Variants in LINGO2 observed in about 807,000 individuals in gnomAD.
LINGO2 encodes the protein leucine-rich repeat and immunoglobulin-like domain-containing nogo receptor-interacting protein 2.
In LINGO2, 14 loss-of-function variants were observed where a neutral mutation model predicts 30.6. That is an observed-to-expected ratio of 0.46 (90% CI 0.30 to 0.72). LINGO2 has a LOEUF of 0.72. Ranked by LOEUF, LINGO2 falls within the 30% of genes least tolerant of loss-of-function variation. The pLI is 0.07. For synonymous variants in LINGO2, 317 were observed against 288.5 expected (o/e 1.10, Z -1.00); for missense variants, 729 against 751.7 (o/e 0.97, Z 0.35).
chr9:28,994,507 G>T, the LINGO2 span, among the ~76,000 whole-genome samples: 1 of 150,976 alleles, frequency 6.6e-6, no homozygotes, highest in East Asian at 1.9e-4. Context: ...TCACAGAATT[G>T]GAAAAAACTA....
chr9:28,006,605 T>C (rs957222160), intron 5 of LINGO2, among the ~76,000 whole-genome samples: 5 of 152,144 alleles, frequency 3.3e-5, no homozygotes, highest in Non-Finnish European at 5.9e-5. Context: ...ATGAACTCAA[T>C]GATGATGCAT....
At chr9:28,792,153 G>C in the LINGO2 span, among the ~76,000 whole-genome samples, 2 of 151,848 alleles carry the variant, frequency 1.3e-5, no homozygotes, top group Admixed American at 1.3e-4. Flanking sequence ...ACATTTTCTT[G>C]CCTAAGCCTT....
chr9:28,105,026 G>A (rs1474525747), intron 4 of LINGO2, among the ~76,000 whole-genome samples: 2 of 152,002 alleles, frequency 1.3e-5, no homozygotes, highest in Non-Finnish European at 2.9e-5. Context: ...GAAGAACGGG[G>A]ACCAAGAATC....
chr9:28,714,188 T>TATATATATATATAC, the LINGO2 span, among the ~76,000 whole-genome samples: 11 of 73,382 alleles, frequency 1.5e-4, no homozygotes, highest in African/African-American at 6.7e-4. Flanking sequence ...TATATATATA[T>TATATATATATATAC]ACACACATAC....
chr9:28,221,114 A>G (rs1401783303), intron 4 of LINGO2, among the ~76,000 whole-genome samples: 5 of 152,024 alleles, frequency 3.3e-5, no homozygotes, highest in Admixed American at 3.3e-4. Context: ...CCTCGCTAAC[A>G]CGGTGAAACC....
At chr9:28,500,110 A>G (rs879440660) in intron 1 of LINGO2, among the ~76,000 whole-genome samples, 1 of 152,086 alleles carries the variant, frequency 6.6e-6, no homozygotes, top group Non-Finnish European at 1.5e-5. Flanking sequence ...CTGATGCTGA[A>G]TCTTTTGGTA....
the LINGO2 span, among the ~76,000 whole-genome samples, chr9:29,072,588 A>T: frequency 1.4e-5 from 2 of 138,406 alleles, no homozygotes; most frequent in African/African-American, 5.2e-5. Flanking sequence ...TAATTAGGGG[A>T]GAGATATATA....
intron 1 of LINGO2, among the ~76,000 whole-genome samples, chr9:28,625,635 C>T (rs914082506): frequency 2.0e-5 from 3 of 152,026 alleles, no homozygotes; most frequent in African/African-American, 7.2e-5. Flanking sequence ...TTGTAAAGCA[C>T]AGTAAAATGA....
chr9:29,139,335 A>G, the LINGO2 span, among the ~76,000 whole-genome samples: 1 of 152,316 alleles, frequency 6.6e-6, no homozygotes, highest in East Asian at 1.9e-4. Context: ...TGGCCTATGG[A>G]AACTCTGGGA....
chr9:28,285,542 A>T (rs1176542055), intron 4 of LINGO2, among the ~76,000 whole-genome samples: 3 of 150,852 alleles, frequency 2.0e-5, no homozygotes, highest in Admixed American at 1.3e-4. Context: ...AGCAGCTGGG[A>T]CTACAGGCAC....
the LINGO2 span, among the ~76,000 whole-genome samples, chr9:29,205,556 T>C: frequency 6.6e-6 from 1 of 152,188 alleles, no homozygotes; most frequent in Admixed American, 6.5e-5. Flanking sequence ...AACTTTTATG[T>C]TGGTCTCATA....
At chr9:28,599,534 G>C (rs2135740180) in intron 1 of LINGO2, among the ~76,000 whole-genome samples, 1 of 152,174 alleles carries the variant, frequency 6.6e-6, no homozygotes, top group South Asian at 2.1e-4. Flanking sequence ...ATGAGGAACA[G>C]CTTTTTTTTA....
At chr9:28,969,028 T>C in the LINGO2 span, among the ~76,000 whole-genome samples, 1 of 152,146 alleles carries the variant, frequency 6.6e-6, no homozygotes, top group Non-Finnish European at 1.5e-5. Flanking sequence ...AATCAATAGT[T>C]ATATGTAAAT....
chr9:28,041,435 T>G (rs1331122457), intron 4 of LINGO2, among the ~76,000 whole-genome samples: 5 of 152,118 alleles, frequency 3.3e-5, no homozygotes, highest in Non-Finnish European at 5.9e-5. Context: ...GAATTGTCCT[T>G]CCTTGAATAA....
At chr9:28,220,483 T>C (rs540083245) in intron 4 of LINGO2, among the ~76,000 whole-genome samples, 1 of 152,296 alleles carries the variant, frequency 6.6e-6, no homozygotes, top group African/African-American at 2.4e-5. Context: ...AAAATGCTGC[T>C]ATGGATATTT....
chr9:28,520,530 T>C (rs1820789966), intron 1 of LINGO2, among the ~76,000 whole-genome samples: 1 of 152,120 alleles, frequency 6.6e-6, no homozygotes, highest in Non-Finnish European at 1.5e-5. Context: ...TACTTGATAT[T>C]TGAAGATTTT....
intron 3 of LINGO2, among the ~76,000 whole-genome samples, chr9:28,338,172 T>G (rs978715185): frequency 6.6e-6 from 1 of 152,186 alleles, no homozygotes; most frequent in African/African-American, 2.4e-5. Flanking sequence ...CATCATTGTG[T>G]CCTGGATGTG....
At chr9:28,199,200 A>G (rs865900047) in intron 4 of LINGO2, among the ~76,000 whole-genome samples, 1 of 152,148 alleles carries the variant, frequency 6.6e-6, no homozygotes, top group Non-Finnish European at 1.5e-5. Flanking sequence ...TTGCCTCCTT[A>G]GCACATTGCC....
At chr9:29,001,434 C>A in the LINGO2 span, among the ~76,000 whole-genome samples, 15 of 151,950 alleles carry the variant, frequency 9.9e-5, no homozygotes, top group South Asian at 2.7e-3. Flanking sequence ...AAGAAGTGTA[C>A]CACACTGCTC....
Sources: gnomAD v4.1 joint callset for allele counts (sites outside exome capture counted in the v4.1 genomes callset) on GRCh38, gnomAD v4.1.1 for gene constraint, MANE v1.5 for transcripts, NCBI Gene and HGNC (gene_info 2026-07-23, HGNC 2026-07-21) for gene names.